Variants in FOXN3 observed in about 807,000 individuals in gnomAD.
FOXN3 encodes the protein forkhead box protein N3.
In FOXN3, 7 loss-of-function variants were observed where a neutral mutation model predicts 38.4. That is an observed-to-expected ratio of 0.18 (90% CI 0.10 to 0.34). The LOEUF (loss-of-function observed/expected upper bound fraction) is 0.34. Ranked by LOEUF, FOXN3 falls within the 10% of genes least tolerant of loss-of-function variation. FOXN3 has a pLI of 1.00. For missense variants in FOXN3, 456 were observed against 613.4 expected, an observed-to-expected ratio of 0.74 and a Z score of 2.71; for synonymous variants, 230 against 242.2, an observed-to-expected ratio of 0.95 and a Z score of 0.47.
chr14:89,292,051 C>T (rs1050745112), intron 3 of FOXN3, among the ~76,000 whole-genome samples: 1 of 152,212 alleles, frequency 6.6e-6, no homozygotes, highest in Admixed American at 6.5e-5. Flanking sequence ...CTCCATCTTT[C>T]GGCAGGCACC....
chr14:89,540,943 C>A (rs999817642), intron 1 of FOXN3, among the ~76,000 whole-genome samples: 9 of 151,842 alleles, frequency 5.9e-5, no homozygotes, highest in Non-Finnish European at 1.2e-4. Flanking sequence ...TAAGTGTTTG[C>A]AACATGAAGG....
upstream of FOXN3, among the ~76,000 whole-genome samples, chr14:89,418,416 C>G: frequency 1.8e-5 from 2 of 113,380 alleles, 1 homozygote; most frequent in East Asian, 6.5e-4. Flanking sequence ...AAATAGACCC[C>G]CCCCCCCCAA....
intron 1 of FOXN3, among the ~76,000 whole-genome samples, chr14:89,475,637 AGAGT>A (rs1893195162): frequency 6.6e-6 from 1 of 152,234 alleles, no homozygotes; most frequent in African/African-American, 2.4e-5. Context: ...CCTGGCCAGC[AGAGT>A]GAGACCCTAT....
intron 4 of FOXN3, among the ~76,000 whole-genome samples, chr14:89,211,655 T>C (rs748247440): frequency 2.6e-5 from 4 of 152,222 alleles, no homozygotes; most frequent in Admixed American, 6.5e-5. Context: ...CCAATTCTTT[T>C]AGGAGTGGAT....
rs564117194 is a variant in FOXN3, at chr14:89,546,202, C to T, written c.-15+72826G>A. Among the ~76,000 whole-genome samples the T allele has an allele frequency of 3.9e-5, 6 of 152,056 alleles. No individual in the cohort carries two copies. In the East Asian group the frequency reaches 9.6e-4, roughly 24 times the overall value. ...CAGCTTTACCCTTTGTATGGGAGTG[C>T]TTTTTGCTTCCTGTAAATAGCCTAG... On this transcript the variant is annotated intron_variant, in intron 1 of 6. Coordinates refer to the FOXN3 transcript ENST00000345097.
In FOXN3 at chr14:89,286,182, G is replaced by A. The variant is rs138125609; in HGVS notation, c.681-5168C>T. Among the ~76,000 whole-genome samples, 37 of 151,972 alleles carry A rather than the reference G, an allele frequency of 2.4e-4. 1 individual carries two copies. In the East Asian group the frequency reaches 6.8e-3, roughly 28 times the overall value. On this transcript the variant is annotated intron_variant, in intron 3 of 5. Coordinates refer to ENST00000557258, the MANE Select transcript of FOXN3 (RefSeq NM_005197.4). ...AGAGGAGTAGGGAGGGGAGGAGGGA[G>A]AGGAGTAGGGAGGGAAGAAGGGAGG...
intron 1 of FOXN3, among the ~76,000 whole-genome samples, chr14:89,528,376 C>CTTTTGT (rs1894474781): frequency 1.9e-5 from 1 of 53,550 alleles, no homozygotes; most frequent in African/African-American, 6.4e-5. Flanking sequence ...ATGGATGAAT[C>CTTTTGT]TTTTTTTTTT....
chr14:89,272,350 A>G (rs1399412095), intron 4 of FOXN3, among the ~76,000 whole-genome samples: 1 of 152,126 alleles, frequency 6.6e-6, no homozygotes, highest in Admixed American at 6.5e-5. Context: ...TGCTGCAACT[A>G]TTAAATGCCT....
chr14:89,420,110 C>CT (rs2140105635), upstream of FOXN3, among the ~76,000 whole-genome samples: 1 of 152,346 alleles, frequency 6.6e-6, no homozygotes, highest in Non-Finnish European at 1.5e-5. Context: ...ACTCCACTCT[C>CT]TACCCTGCAG....
chr14:89,298,003 A>G (rs75951361), intron 3 of FOXN3, among the ~76,000 whole-genome samples: 9,349 of 152,166 alleles, frequency 0.061, 415 homozygotes, highest in Non-Finnish European at 0.081. Flanking sequence ...CAAAACAACA[A>G]GAAGAAAAGA....
intron 1 of FOXN3, among the ~76,000 whole-genome samples, chr14:89,423,947 C>A (rs544255073): frequency 2.0e-5 from 3 of 152,122 alleles, no homozygotes; most frequent in African/African-American, 7.2e-5. Context: ...GGCAATAAAC[C>A]CCAGGAAAGC....
chr14:89,431,598 G>A (rs1184147057), intron 1 of FOXN3, among the ~76,000 whole-genome samples: 8 of 152,094 alleles, frequency 5.3e-5, no homozygotes, highest in Admixed American at 5.2e-4. Context: ...GTTTGTTTTT[G>A]TTTTTTTATT....
Position 89,584,260 on chromosome 14 carries a change from G to T in FOXN3, c.-15+34768C>A, listed in dbSNP as rs77528950. On this transcript the variant is annotated intron_variant, in intron 1 of 6. Coordinates refer to the FOXN3 transcript ENST00000345097. ...TAAAAATATTTTAAAAATTAGCCAG[G>T]CATGGTGGTGTGTGCCTATAGCCCC... Among the ~76,000 whole-genome samples the T allele has an allele frequency of 8.7e-3, 1,319 of 152,122 alleles. 20 individuals are homozygous for T. The highest frequency in any genetic ancestry group is 0.031 in the African/African-American group (1,266 of 41,496).
intron 1 of FOXN3, among the ~76,000 whole-genome samples, chr14:89,442,282 C>G (rs186866390): frequency 2.0e-5 from 3 of 152,286 alleles, no homozygotes; most frequent in African/African-American, 7.2e-5. Flanking sequence ...ACCTTCCCTT[C>G]CCTTTTCCCA....
chr14:89,348,226 C>A (rs1010673252), intron 3 of FOXN3, among the ~76,000 whole-genome samples: 1 of 152,006 alleles, frequency 6.6e-6, no homozygotes, highest in East Asian at 1.9e-4. Context: ...CCCCTCACAG[C>A]GATCCAGCAA....
In FOXN3 at chr14:89,162,296, C is replaced by A. The variant is rs1887123887; in HGVS notation, c.*118G>T. ...TAAAAGGAAAAGAAAAGAAAGAAAA[C>A]CAAACCAAAAACAAGAAAAAAGAAA... On this transcript the variant is annotated 3_prime_UTR_variant, in exon 6 of 6. Transcript: ENST00000557258. The surrounding 1 kb of genome is among the most constrained non-coding windows in gnomAD (Gnocchi z 7.2). The A allele has an allele frequency of 1.2e-6, 1 of 846,428 alleles. No homozygotes were observed. The highest frequency in any genetic ancestry group is 1.7e-6 in the Non-Finnish European group (1 of 577,772). 52.4% of individuals were successfully genotyped at this position (846,428 alleles called of 1,614,324 possible).
chr14:89,518,362 G>C (rs908245752), intron 1 of FOXN3, among the ~76,000 whole-genome samples: 3 of 152,152 alleles, frequency 2.0e-5, no homozygotes, highest in African/African-American at 4.8e-5. Flanking sequence ...TCTCATACCA[G>C]GTTTCCAGGT....
At chr14:89,366,260 GA>G (rs57036897) in intron 2 of FOXN3, among the ~76,000 whole-genome samples, 12 of 146,780 alleles carry the variant, frequency 8.2e-5, no homozygotes, top group East Asian at 4.0e-4. Context: ...CTCAAAAAAA[GA>G]AAAAAAAAAA....
At chr14:89,537,677 G>A (rs574779034) in intron 1 of FOXN3, among the ~76,000 whole-genome samples, 3 of 152,314 alleles carry the variant, frequency 2.0e-5, no homozygotes, top group Admixed American at 6.5e-5. Flanking sequence ...GCCAATGTGT[G>A]AGTGACATCT....
Sources: gnomAD v4.1 joint callset for allele counts (sites outside exome capture counted in the v4.1 genomes callset) on GRCh38, gnomAD v4.1.1 for gene constraint, Gnocchi (gnomAD v3.1) non-coding constraint, MANE v1.5 for transcripts, NCBI Gene and HGNC (gene_info 2026-07-23, HGNC 2026-07-21) for gene names.